The following LIPI variants were observed in gnomAD, a reference collection of about 807,000 sequenced individuals.
The protein encoded by LIPI is lipase member I.
A neutral mutation model predicts 50.6 loss-of-function variants in LIPI; 59 were observed. That is an observed-to-expected ratio of 1.16 (90% confidence interval 0.94 to 1.45). LIPI has a LOEUF of 1.45. Among genes scored for constraint, LIPI ranks in the 40% most tolerant of loss-of-function variants. LIPI has a pLI of 0.00. For synonymous variants in LIPI, 203 were observed against 178.2 expected (o/e 1.14, Z -1.11); for missense variants, 586 against 536.3 (o/e 1.09, Z -0.92).
rs2020184963 is a variant in LIPI at position 14,204,989 on chromosome 21, T to C, written c.46+5811A>G. ...AAATGAACTACGGAAGTGTTTTCAA[T>C]ATAAGGTAGGAAAGGAACTAATATA... On this transcript the variant is annotated intron_variant, in intron 1 of 9. Coordinates refer to ENST00000681601, the MANE Select transcript of LIPI (RefSeq NM_001302998.2). Among the ~76,000 whole-genome samples the C allele has an allele frequency of 5.9e-5, 9 of 151,602 alleles. No homozygotes were observed. The South Asian group carries it at 1.9e-3, about 32-fold the overall frequency.
At chr21:14,163,126 T>A (rs2018552111) in intron 7 of LIPI, among the ~76,000 whole-genome samples, 1 of 151,606 alleles carries the variant, frequency 6.6e-6, no homozygotes, top group Non-Finnish European at 1.5e-5. Context: ...CTCCTTAATA[T>A]GTTACATGCC....
At chr21:14,134,832 A>T (rs1466880278) in intron 9 of LIPI, among the ~76,000 whole-genome samples, 2 of 143,918 alleles carry the variant, frequency 1.4e-5, no homozygotes, top group Admixed American at 1.3e-4. Context: ...AGAAACTATT[A>T]AAAAAAATCT....
At chr21:14,153,427 T>C (rs2018168666) in intron 7 of LIPI, among the ~76,000 whole-genome samples, 1 of 152,212 alleles carries the variant, frequency 6.6e-6, no homozygotes, top group African/African-American at 2.4e-5. Flanking sequence ...TGATTCACCT[T>C]GCCCATATAA....
Position 14,185,625 on chromosome 21 carries a change from C to T in LIPI, c.541+336G>A, listed in dbSNP as rs2019425096. On this transcript the variant is annotated intron_variant, in intron 3 of 9. Coordinates refer to ENST00000681601, the MANE Select transcript of LIPI (RefSeq NM_001302998.2). Reference sequence around the variant, plus strand: ...GGCCACAGTGGCTCATGCCTGTAATCCAAGTACTTTGGAAGGCCGAGGCAG... The same window carrying T: ...GGCCACAGTGGCTCATGCCTGTAATTCAAGTACTTTGGAAGGCCGAGGCAG... Among the ~76,000 whole-genome samples the T allele has an allele frequency of 3.9e-5, 6 of 152,198 alleles. No homozygotes were observed. In the South Asian group the frequency reaches 1.2e-3, roughly 32 times the overall value.
intron 9 of LIPI, among the ~76,000 whole-genome samples, chr21:14,127,517 A>G (rs535896392): frequency 6.6e-6 from 1 of 152,232 alleles, no homozygotes. Context: ...TAAATTTTAC[A>G]TAAAAGTTAA....
At chr21:14,209,315 A>G (rs2020305413) in intron 1 of LIPI, among the ~76,000 whole-genome samples, 2 of 152,214 alleles carry the variant, frequency 1.3e-5, no homozygotes, top group Non-Finnish European at 2.9e-5. Flanking sequence ...TTAAAGGCAG[A>G]TTTAATCAAT....
chr21:14,140,389 G>A (rs2017662192), intron 9 of LIPI, among the ~76,000 whole-genome samples: 2 of 151,988 alleles, frequency 1.3e-5, no homozygotes, highest in Admixed American at 6.6e-5. Context: ...AAATATTTTT[G>A]TAAAAGTTAT....
chr21:14,140,155 A>G (rs2017652660), intron 9 of LIPI, among the ~76,000 whole-genome samples: 1 of 152,174 alleles, frequency 6.6e-6, no homozygotes, highest in Non-Finnish European at 1.5e-5. Context: ...GAGAACACTT[A>G]AGAGGCTATT....
At chr21:14,136,138 A>T (rs2123023413) in intron 9 of LIPI, among the ~76,000 whole-genome samples, 1 of 152,272 alleles carries the variant, frequency 6.6e-6, no homozygotes, top group South Asian at 2.1e-4. Flanking sequence ...CTAACTGAAG[A>T]GCCCTTGGGC....
At chr21:14,180,529 C>CG (rs1365261616) in intron 4 of LIPI, among the ~76,000 whole-genome samples, 2 of 152,114 alleles carry the variant, frequency 1.3e-5, no homozygotes, top group Non-Finnish European at 2.9e-5. Flanking sequence ...ATTGAAATAT[C>CG]GGGGGTGGGT....
At chr21:14,184,312 A>T (rs1189243810) in intron 3 of LIPI, among the ~76,000 whole-genome samples, 7 of 151,684 alleles carry the variant, frequency 4.6e-5, no homozygotes, top group South Asian at 2.1e-4. Flanking sequence ...AACATCACAC[A>T]CTGGGGACTG....
intron 7 of LIPI, among the ~76,000 whole-genome samples, chr21:14,157,803 G>A (rs1279089012): frequency 6.6e-6 from 1 of 151,752 alleles, no homozygotes; most frequent in African/African-American, 2.4e-5. Context: ...AGTTTGCCTG[G>A]CTGAATTTAA....
intron 4 of LIPI, among the ~76,000 whole-genome samples, chr21:14,175,574 T>A (rs1451890244): frequency 6.6e-6 from 1 of 152,144 alleles, no homozygotes; most frequent in Admixed American, 6.5e-5. Context: ...TTCATTTGGG[T>A]TAGAAATTTT....
At chr21:14,143,406 C>T (rs1443961176) in intron 9 of LIPI, 1 of 152,156 alleles carries the variant, frequency 6.6e-6, no homozygotes, top group East Asian at 1.9e-4. Context: ...AATAATATCA[C>T]ACCAAAAGTT....
At chr21:14,171,781 A>C (rs572951382) in intron 4 of LIPI, among the ~76,000 whole-genome samples, 167 of 152,020 alleles carry the variant, frequency 1.1e-3, no homozygotes, top group African/African-American at 3.8e-3. Context: ...AAACCTAGGC[A>C]ATACCATTCA....
At chr21:14,202,384 A>G (rs2020086456) in intron 1 of LIPI, among the ~76,000 whole-genome samples, 1 of 152,172 alleles carries the variant, frequency 6.6e-6, no homozygotes, top group South Asian at 2.1e-4. Context: ...AGTCAATCCT[A>G]AGCCAAAAGA....
chr21:14,205,723 T>A (rs2020207045), intron 1 of LIPI, among the ~76,000 whole-genome samples: 1 of 152,008 alleles, frequency 6.6e-6, no homozygotes, highest in East Asian at 1.9e-4. Context: ...CTTAGTTTAA[T>A]GAGAAAAAAT....
intron 1 of LIPI, among the ~76,000 whole-genome samples, chr21:14,192,971 G>A (rs989355143): frequency 4.6e-5 from 7 of 152,114 alleles, no homozygotes; most frequent in Non-Finnish European, 8.8e-5. Flanking sequence ...AATAAAAACA[G>A]TTTTGCTTTG....
intron 1 of LIPI, among the ~76,000 whole-genome samples, chr21:14,209,611 CAT>C (rs2020313674): frequency 6.6e-6 from 1 of 152,068 alleles, no homozygotes; most frequent in Non-Finnish European, 1.5e-5. Context: ...TTTTAATCAT[CAT>C]TACACAAGAA....
Sources: gnomAD v4.1 joint callset for allele counts (sites outside exome capture counted in the v4.1 genomes callset) on GRCh38, gnomAD v4.1.1 for gene constraint, MANE v1.5 for transcripts, NCBI Gene and HGNC (gene_info 2026-07-23, HGNC 2026-07-21) for gene names.